Variants in MTSS1 observed in about 807,000 individuals in gnomAD.
The protein encoded by MTSS1 is MTSS I-BAR domain containing 1, also known as protein MTSS 1.
MTSS1 carries 18 observed loss-of-function variants against 79.0 expected under a neutral mutation model. The observed-to-expected ratio is 0.23, with a 90% CI of 0.16 to 0.34. MTSS1 has a LOEUF of 0.34. MTSS1 is among the 10% of genes least tolerant of loss of function. The probability of loss-of-function intolerance (pLI) is 1.00; values close to 1 mark genes in which losing one functional copy is unlikely to be tolerated. For synonymous variants in MTSS1, 341 were observed against 368.6 expected, an observed-to-expected ratio of 0.93 and a Z score of 0.86; for missense variants, 815 against 986.2, an observed-to-expected ratio of 0.83 and a Z score of 2.33.
chr8:124,616,306 A>G (rs1836838141), intron 3 of MTSS1, among the ~76,000 whole-genome samples: 1 of 149,778 alleles, frequency 6.7e-6, no homozygotes, highest in Admixed American at 6.7e-5. Context: ...CCCTTGACCC[A>G]GGCATCTTCT....
intron 3 of MTSS1, among the ~76,000 whole-genome samples, chr8:124,629,242 C>T (rs1306324194): frequency 2.6e-5 from 4 of 152,008 alleles, no homozygotes; most frequent in Non-Finnish European, 4.4e-5. Flanking sequence ...TGGCCAGGCG[C>T]GGTGGCTCAC....
In MTSS1 at chr8:124,553,183, T is replaced by C. The variant is rs758178620; in HGVS notation, c.2077A>G (p.Ser693Gly). The C allele has an allele frequency of 5.0e-6, 8 of 1,614,150 alleles. No individual in the cohort carries two copies. In the South Asian group the frequency reaches 7.7e-5, roughly 16 times the overall value. ...PEEHRQAIPE[S>G]EAEDQEREPP... Reference sequence around the variant, plus strand: ...TCCCGTTCCTGGTCTTCAGCTTCACTTTCTGGAATTGCCTGTCTGTGCTCC... The same window carrying C: ...TCCCGTTCCTGGTCTTCAGCTTCACCTTCTGGAATTGCCTGTCTGTGCTCC... Residue 693 changes from serine to glycine, a missense_variant, in exon 14 of 14, where the codon AGT (serine) becomes GGT (glycine). Physicochemically the swap from Ser to Gly is moderately conservative, Grantham distance 56. Around this residue, in one of 2 missense-constraint regions of MTSS1, gnomAD observed 590 missense variants for 620.8 expected, o/e 0.95. Transcript: ENST00000518547. This position sits in a 1 kb window ranked among gnomAD's most constrained non-coding sequence, Gnocchi z 6.0.
intron 3 of MTSS1, among the ~76,000 whole-genome samples, chr8:124,682,191 T>C (rs1826231224): frequency 6.6e-6 from 1 of 152,108 alleles, no homozygotes; most frequent in African/African-American, 2.4e-5. Flanking sequence ...TTACCATCTT[T>C]TCCATTTTAC....
rs1209432479 is a variant in MTSS1 at position 124,561,327 on chromosome 8, A to T, written c.1035+1455T>A. ...CAGCTACTTGGGAGGCTGAGGCAGG[A>T]GAATCGCTTGAACCCAGGAGGTGGA... On this transcript the variant is annotated intron_variant, in intron 10 of 13. Coordinates refer to ENST00000518547, the MANE Select transcript of MTSS1 (RefSeq NM_014751.6). Among the ~76,000 whole-genome samples the T allele has an allele frequency of 2.0e-5, 3 of 152,206 alleles. No homozygotes were observed. In the East Asian group the frequency reaches 5.8e-4, roughly 29 times the overall value.
chr8:124,580,333 C>T, intron 6 of MTSS1: 1 of 539,994 alleles, frequency 1.9e-6, no homozygotes, highest in South Asian at 2.3e-5. Flanking sequence ...GAGTGTTGTG[C>T]TAACATCGTA....
intron 3 of MTSS1, among the ~76,000 whole-genome samples, chr8:124,636,199 C>G (rs112244795): frequency 0.028 from 4,262 of 152,184 alleles, 169 homozygotes; most frequent in African/African-American, 0.097. Flanking sequence ...GCACGATCTC[C>G]GCTCACTGCA....
intron 1 of MTSS1, among the ~76,000 whole-genome samples, chr8:124,711,261 T>A (rs965243022): frequency 1.3e-5 from 2 of 152,178 alleles, no homozygotes. Flanking sequence ...TAATCTGAGG[T>A]GCTGCTGCTC....
intron 3 of MTSS1, among the ~76,000 whole-genome samples, chr8:124,643,598 T>C (rs1818449878): frequency 6.7e-6 from 1 of 149,174 alleles, no homozygotes; most frequent in Non-Finnish European, 1.5e-5. Flanking sequence ...CTCGGGAGGC[T>C]GCAGCAGGAG....
chr8:124,659,896 A>C (rs1821678455), intron 3 of MTSS1, among the ~76,000 whole-genome samples: 1 of 152,224 alleles, frequency 6.6e-6, no homozygotes, highest in African/African-American at 2.4e-5. Context: ...AATAGAAATA[A>C]ATACATGCAC....
intron 3 of MTSS1, among the ~76,000 whole-genome samples, chr8:124,651,456 T>A (rs1819950154): frequency 6.6e-6 from 1 of 151,782 alleles, no homozygotes; most frequent in African/African-American, 2.4e-5. Context: ...TGGTCTTTTT[T>A]TTTTTGGTGG....
intron 3 of MTSS1, among the ~76,000 whole-genome samples, chr8:124,674,568 C>G (rs567672248): frequency 3.3e-5 from 5 of 152,262 alleles, no homozygotes; most frequent in African/African-American, 1.2e-4. Flanking sequence ...TGGTCTCAAA[C>G]TCCTGGCCGC....
intron 3 of MTSS1, among the ~76,000 whole-genome samples, chr8:124,646,759 T>C (rs968303318): frequency 1.3e-5 from 2 of 152,080 alleles, no homozygotes; most frequent in African/African-American, 2.4e-5. Context: ...ACATGTTGTA[T>C]AACCTGCAGC....
At chr8:124,687,526 G>A (rs1827181633) in intron 3 of MTSS1, among the ~76,000 whole-genome samples, 1 of 152,208 alleles carries the variant, frequency 6.6e-6, no homozygotes, top group Non-Finnish European at 1.5e-5. Flanking sequence ...CTCGGATCTG[G>A]TTCTGTGAGT....
At chr8:124,694,005 G>T (rs1310629305) in intron 3 of MTSS1, among the ~76,000 whole-genome samples, 1 of 152,168 alleles carries the variant, frequency 6.6e-6, no homozygotes, top group African/African-American at 2.4e-5. Context: ...TAGCTGCAAA[G>T]GCACGAAGTC....
At chr8:124,609,829 G>A (rs1319483767) in intron 3 of MTSS1, among the ~76,000 whole-genome samples, 2 of 152,182 alleles carry the variant, frequency 1.3e-5, no homozygotes, top group African/African-American at 2.4e-5. Context: ...TTAAAACTTG[G>A]ACACTATCCT....
intron 3 of MTSS1, among the ~76,000 whole-genome samples, chr8:124,696,528 T>G (rs982783665): frequency 1.6e-4 from 24 of 152,018 alleles, no homozygotes; most frequent in African/African-American, 5.8e-4. Context: ...CTGGCATCAC[T>G]AAAAATGATC....
At chr8:124,628,531 C>T (rs1217765876) in intron 3 of MTSS1, among the ~76,000 whole-genome samples, 1 of 152,182 alleles carries the variant, frequency 6.6e-6, no homozygotes, top group Non-Finnish European at 1.5e-5. Context: ...CCAGCCCCCA[C>T]AGCAGGTGCT....
At position 124,625,798 on chromosome 8, in the gene MTSS1, C is replaced by T. The variant is rs562260207; in HGVS notation, c.209-34563G>A. On this transcript the variant is annotated intron_variant, in intron 3 of 13. Transcript: ENST00000518547. ...ATGAACAGACTCCCAGGCACTGCTG[C>T]AAGATACGAAGGCCACACATCCATT... is the stretch of plus-strand genomic sequence containing the variant. Among the ~76,000 whole-genome samples, 42 of 152,318 alleles carry T rather than the reference C, an allele frequency of 2.8e-4. No homozygotes were observed. The South Asian group carries it at 6.6e-3, about 24-fold the overall frequency.
chr8:124,710,893 C>T (rs1344143884), intron 1 of MTSS1, among the ~76,000 whole-genome samples: 1 of 152,132 alleles, frequency 6.6e-6, no homozygotes, highest in African/African-American at 2.4e-5. Flanking sequence ...AGGAAGAATT[C>T]AGTTCAGGGG....
Sources: allele counts gnomAD v4.1 joint callset (sites outside exome capture counted in the v4.1 genomes callset), GRCh38; gene constraint gnomAD v4.1.1; regional missense constraint gnomAD v4.1.1; non-coding constraint Gnocchi (gnomAD v3.1); transcripts MANE v1.5; gene names NCBI Gene and HGNC (gene_info 2026-07-23, HGNC 2026-07-21).